PDE4D: variants seen among roughly 807,000 people sequenced by gnomAD.
The protein encoded by PDE4D is phosphodiesterase 4D.
Under a neutral mutation model 87.4 loss-of-function variants are expected in PDE4D, and 24 were observed. The ratio of observed to expected loss-of-function variants is 0.27; its 90% CI spans 0.20 to 0.39. The LOEUF is 0.39. Among genes scored for constraint, PDE4D ranks in the 10% least tolerant of loss-of-function variants. The pLI is 1.00. For synonymous variants in PDE4D, 384 were observed against 383.2 expected (o/e 1.00, Z -0.02); for missense variants, 714 against 1,041.0 (o/e 0.69, Z 4.32).
intron 1 of PDE4D, among the ~76,000 whole-genome samples, chr5:59,353,133 A>G (rs1361727505): frequency 1.3e-5 from 2 of 152,146 alleles, no homozygotes; most frequent in Non-Finnish European, 2.9e-5. Context: ...GTCACATAAA[A>G]TGTTCCTTTT....
intron 1 of PDE4D, among the ~76,000 whole-genome samples, chr5:60,306,252 G>C (rs1031054287): frequency 1.3e-5 from 2 of 151,982 alleles, no homozygotes; most frequent in Admixed American, 1.3e-4. Flanking sequence ...AATCCAAATT[G>C]TAATTACAAA....
At chr5:60,473,034 C>G (rs986400106) in intron 1 of PDE4D, among the ~76,000 whole-genome samples, 2 of 143,766 alleles carry the variant, frequency 1.4e-5, no homozygotes, top group Non-Finnish European at 3.0e-5. Context: ...TGAAGAAAGA[C>G]AGACAGACAG....
upstream of PDE4D, among the ~76,000 whole-genome samples, chr5:59,897,868 A>C (rs1463340769): frequency 1.3e-5 from 2 of 152,230 alleles, no homozygotes; most frequent in Non-Finnish European, 2.9e-5. Context: ...AGGCATTGAA[A>C]GTCTCAGATT....
chr5:60,116,456 G>A (rs751302678), intron 2 of PDE4D, among the ~76,000 whole-genome samples: 12 of 152,052 alleles, frequency 7.9e-5, no homozygotes, highest in Non-Finnish European at 1.3e-4. Flanking sequence ...TCCTTTGGAA[G>A]TCTCCCATTC....
intron 1 of PDE4D, among the ~76,000 whole-genome samples, chr5:59,877,852 A>C (rs1229616916): frequency 2.0e-5 from 3 of 152,142 alleles, no homozygotes; most frequent in Non-Finnish European, 4.4e-5. Flanking sequence ...ACAAGTTTCC[A>C]AAAGGTTTTA....
intron 5 of PDE4D, among the ~76,000 whole-genome samples, chr5:59,126,141 G>A (rs1244368292): frequency 6.3e-5 from 9 of 142,516 alleles, no homozygotes; most frequent in Admixed American, 6.3e-4. Flanking sequence ...AAGCAAGGAA[G>A]AAAGGAAAAA....
At chr5:59,837,466 G>A (rs1742304040) in intron 1 of PDE4D, among the ~76,000 whole-genome samples, 1 of 152,040 alleles carries the variant, frequency 6.6e-6, no homozygotes, top group South Asian at 2.1e-4. Flanking sequence ...TAGAATATAT[G>A]CTCCACTAGG....
upstream of PDE4D, chr5:60,489,652 A>G (rs938220627): frequency 6.6e-6 from 1 of 152,170 alleles, no homozygotes; most frequent in Non-Finnish European, 1.5e-5. Flanking sequence ...ACCTTTGTTT[A>G]TTTGACAGTG....
At chr5:59,887,644 C>A (rs1750361397) in intron 1 of PDE4D, among the ~76,000 whole-genome samples, 1 of 152,006 alleles carries the variant, frequency 6.6e-6, no homozygotes, top group South Asian at 2.1e-4. Context: ...TCTATTTGAT[C>A]TTTAAGAACT....
intron 1 of PDE4D, among the ~76,000 whole-genome samples, chr5:59,230,492 CTAAA>C (rs986965057): frequency 2.0e-4 from 30 of 152,066 alleles, no homozygotes; most frequent in African/African-American, 6.8e-4. Flanking sequence ...ATTTTATTGA[CTAAA>C]TAAGAATGAT....
chr5:59,856,008 A>G (rs1302553027), intron 1 of PDE4D, among the ~76,000 whole-genome samples: 1 of 152,136 alleles, frequency 6.6e-6, no homozygotes, highest in Non-Finnish European at 1.5e-5. Flanking sequence ...ATCTAAAGAG[A>G]ATTACCCTCC....
chr5:59,140,396 A>T (rs1422632066), intron 5 of PDE4D, among the ~76,000 whole-genome samples: 2 of 152,246 alleles, frequency 1.3e-5, no homozygotes, highest in Non-Finnish European at 2.9e-5. Flanking sequence ...ATTAAAGAAC[A>T]CAAGAGTGAG....
chr5:59,368,566 T>C (rs1783451522), intron 1 of PDE4D, among the ~76,000 whole-genome samples: 2 of 152,220 alleles, frequency 1.3e-5, no homozygotes, highest in South Asian at 4.1e-4. Flanking sequence ...TTCATGTAAA[T>C]GATTCCACTG....
At chr5:59,100,606 T>C (rs1284396357) in intron 5 of PDE4D, among the ~76,000 whole-genome samples, 1 of 152,174 alleles carries the variant, frequency 6.6e-6, no homozygotes, top group Non-Finnish European at 1.5e-5. Flanking sequence ...CAGTTGACTG[T>C]GAATACAGGT....
intron 2 of PDE4D, among the ~76,000 whole-genome samples, chr5:60,112,066 A>C (rs1453854589): frequency 6.6e-6 from 1 of 152,038 alleles, no homozygotes; most frequent in African/African-American, 2.4e-5. Context: ...AAAATTCCTG[A>C]CCCTAAAGTT....
intron 1 of PDE4D, among the ~76,000 whole-genome samples, chr5:59,657,158 G>A (rs896126380): frequency 1.3e-5 from 2 of 152,124 alleles, no homozygotes. Flanking sequence ...GGACAAATTT[G>A]AAAAACAAAA....
intron 1 of PDE4D, among the ~76,000 whole-genome samples, chr5:59,637,655 A>G (rs942920156): frequency 7.2e-5 from 11 of 152,160 alleles, no homozygotes; most frequent in Non-Finnish European, 1.6e-4. Flanking sequence ...ACAGGAACCG[A>G]AAACCAAACA....
At position 60,180,483 on chromosome 5, in the gene PDE4D, G is replaced by C. The variant is rs192279786; in HGVS notation, c.42+5074C>G. On this transcript the variant is annotated intron_variant, in intron 2 of 16. Coordinates refer to the PDE4D transcript ENST00000502484. ...TACAGAACTTCAGCCTTCCTAAAAA[G>C]AATTAAAGATTAAAATGGGATACAG... Among the ~76,000 whole-genome samples, 473 of 152,174 alleles carry C rather than the reference G, an allele frequency of 3.1e-3. 6 individuals are homozygous for C. The highest frequency in any genetic ancestry group is 0.027 in the Middle Eastern group (8 of 294).
intron 1 of PDE4D, chr5:59,275,737 G>A (rs181163704): frequency 2.9e-6 from 3 of 1,028,738 alleles, no homozygotes; most frequent in East Asian, 1.7e-4. Flanking sequence ...TAGTGAAAGA[G>A]TCACTTGATC....
Sources: allele counts gnomAD v4.1 joint callset (sites outside exome capture counted in the v4.1 genomes callset), GRCh38; gene constraint gnomAD v4.1.1; transcripts MANE v1.5; gene names NCBI Gene and HGNC (gene_info 2026-07-23, HGNC 2026-07-21).